Variants in DOCK3 observed in about 807,000 individuals in gnomAD.
DOCK3 encodes the protein dedicator of cytokinesis 3.
In DOCK3, 60 loss-of-function variants were observed where a neutral mutation model predicts 265.6. The observed-to-expected ratio is 0.23, with a 90% CI of 0.18 to 0.28. DOCK3 has a LOEUF of 0.28. Ranked by LOEUF, DOCK3 falls within the 10% of genes least tolerant of loss-of-function variation. The probability of loss-of-function intolerance (pLI) is 1.00; values close to 1 mark genes in which losing one functional copy is unlikely to be tolerated. For synonymous variants in DOCK3, 881 were observed against 938.0 expected, an observed-to-expected ratio of 0.94 and a Z score of 1.11; for missense variants, 1,981 against 2,594.3, an observed-to-expected ratio of 0.76 and a Z score of 5.14.
intron 5 of DOCK3, among the ~76,000 whole-genome samples, chr3:51,053,078 GAT>G (rs59382660): frequency 0.025 from 1,071 of 43,522 alleles, 13 homozygotes; most frequent in African/African-American, 0.041. Context: ...AAAAGTCAAA[GAT>G]ATATATATAT....
At chr3:51,242,431 G>A (rs2078651527) in intron 21 of DOCK3, among the ~76,000 whole-genome samples, 1 of 152,190 alleles carries the variant, frequency 6.6e-6, no homozygotes, top group African/African-American at 2.4e-5. Context: ...TACAGCAGCT[G>A]TGGCAGAGTC....
intron 22 of DOCK3, among the ~76,000 whole-genome samples, chr3:51,252,676 T>G (rs2079317462): frequency 6.6e-6 from 1 of 152,178 alleles, no homozygotes; most frequent in African/African-American, 2.4e-5. Flanking sequence ...CTGTTATTGG[T>G]GTATAGGAAT....
intron 4 of DOCK3, among the ~76,000 whole-genome samples, chr3:50,896,458 T>G (rs2107776521): frequency 6.6e-6 from 1 of 152,370 alleles, no homozygotes; most frequent in East Asian, 1.9e-4. Context: ...CTGATGATAG[T>G]TTCTTTTGCT....
intron 5 of DOCK3, among the ~76,000 whole-genome samples, chr3:50,947,472 A>G (rs1464148990): frequency 6.6e-6 from 1 of 152,140 alleles, no homozygotes; most frequent in African/African-American, 2.4e-5. Context: ...GATTACTTTT[A>G]TGTCATCATT....
At chr3:50,730,446 C>T (rs2038127273) in intron 1 of DOCK3, among the ~76,000 whole-genome samples, 1 of 152,156 alleles carries the variant, frequency 6.6e-6, no homozygotes, top group Non-Finnish European at 1.5e-5. Flanking sequence ...CCCGGCTGCA[C>T]AAACACTTTC....
chr3:51,224,538 AACATATTTGAATGT>A (rs2090243573), intron 14 of DOCK3, among the ~76,000 whole-genome samples: 1 of 152,222 alleles, frequency 6.6e-6, no homozygotes, highest in Non-Finnish European at 1.5e-5. Flanking sequence ...TCCAGGTGGT[AACATATTTGAATGT>A]ACTAGTTTTT....
Position 51,332,865 on chromosome 3 carries a change from G to A in DOCK3, c.3489-136G>A, listed in dbSNP as rs776149733. 2.9e-6 allele frequency: 3 copies of A among 1,047,854 alleles called. No individual in the cohort carries two copies. In the African/African-American group the frequency reaches 4.7e-5, roughly 17 times the overall value. 64.9% of individuals were successfully genotyped at this position (1,047,854 alleles called of 1,614,324 possible). A position where few individuals can be genotyped will look rare whatever the true frequency, so the allele number is the denominator to read the frequency against. On this transcript the variant is annotated intron_variant, in intron 33 of 52. Coordinates refer to ENST00000266037, the MANE Select transcript of DOCK3 (RefSeq NM_004947.5). ...TGAGTTACAGTGTATGCCTAAGGTG[G>A]CTGGAGCCGAACCCCTCCCTCCCCC...
chr3:50,959,872 G>A (rs139488306), intron 5 of DOCK3, among the ~76,000 whole-genome samples: 2,098 of 152,260 alleles, frequency 0.014, 24 homozygotes, highest in Non-Finnish European at 0.023. Flanking sequence ...GAGCCACCAC[G>A]CCCAGCCCTC....
intron 27 of DOCK3, among the ~76,000 whole-genome samples, chr3:51,291,524 G>A (rs944274995): frequency 1.3e-5 from 2 of 152,058 alleles, no homozygotes; most frequent in Non-Finnish European, 2.9e-5. Context: ...TCCTAGACAC[G>A]TGTATCTACT....
At chr3:50,926,438 C>G (rs929323185) in intron 4 of DOCK3, among the ~76,000 whole-genome samples, 1 of 152,180 alleles carries the variant, frequency 6.6e-6, no homozygotes, top group African/African-American at 2.4e-5. Flanking sequence ...CATTCTTGGT[C>G]TATTTACCAA....
intron 27 of DOCK3, among the ~76,000 whole-genome samples, chr3:51,294,434 T>C (rs2081960534): frequency 6.6e-6 from 1 of 152,080 alleles, no homozygotes; most frequent in Non-Finnish European, 1.5e-5. Flanking sequence ...ATTCCAGCAC[T>C]TTGGGAGGCC....
intron 1 of DOCK3, among the ~76,000 whole-genome samples, chr3:50,685,955 C>G (rs1284656925): frequency 6.6e-6 from 1 of 152,088 alleles, no homozygotes; most frequent in Non-Finnish European, 1.5e-5. Context: ...ATACAGCAGT[C>G]TCTAAGCTTT....
chr3:50,751,813 G>A (rs1387514499), intron 1 of DOCK3, among the ~76,000 whole-genome samples: 2 of 152,152 alleles, frequency 1.3e-5, no homozygotes, highest in African/African-American at 2.4e-5. Flanking sequence ...CATGGTGGAA[G>A]GCAAAGGGGA....
chr3:51,338,741 T>C (rs910509744), intron 36 of DOCK3, among the ~76,000 whole-genome samples, 194 bp from the exon 37 acceptor site: 2 of 152,168 alleles, frequency 1.3e-5, no homozygotes, highest in Non-Finnish European at 2.9e-5. Flanking sequence ...TACCCAGGGC[T>C]CCCATAGACC....
chr3:51,314,863 C>T (rs1487125240), intron 31 of DOCK3, 117 bp from the exon 32 acceptor site: 21 of 1,241,472 alleles, frequency 1.7e-5, no homozygotes, highest in Non-Finnish European at 2.1e-5. Context: ...TAGGGGAGAG[C>T]TTGTTTTGCT....
At chr3:50,876,164 T>C (rs2107618291) in intron 3 of DOCK3, among the ~76,000 whole-genome samples, 1 of 152,230 alleles carries the variant, frequency 6.6e-6, no homozygotes, top group Non-Finnish European at 1.5e-5. Flanking sequence ...TCAGAATTAT[T>C]CATGTTAAAA....
chr3:51,289,184 T>C (rs1426855982), intron 27 of DOCK3, among the ~76,000 whole-genome samples: 1 of 152,146 alleles, frequency 6.6e-6, no homozygotes, highest in Non-Finnish European at 1.5e-5. Context: ...AGCAAACTAA[T>C]GCAGGAACAG....
At chr3:50,788,093 G>C (rs763000043) in intron 2 of DOCK3, 2 of 755,608 alleles carry the variant, frequency 2.6e-6, no homozygotes, top group Non-Finnish European at 4.3e-6. Context: ...GCTCATCTTG[G>C]TGTCCACAAA....
At chr3:50,872,202 A>G (rs755118722) in intron 3 of DOCK3, among the ~76,000 whole-genome samples, 2 of 152,222 alleles carry the variant, frequency 1.3e-5, no homozygotes, top group Admixed American at 6.5e-5. Context: ...CCTTCCAGAT[A>G]TTCAGAGGGA....
Sources: allele counts gnomAD v4.1 joint callset (sites outside exome capture counted in the v4.1 genomes callset), GRCh38; gene constraint gnomAD v4.1.1; transcripts MANE v1.5; gene names NCBI Gene and HGNC (gene_info 2026-07-23, HGNC 2026-07-21).